The following EDEM3 variants were observed in gnomAD, a reference collection of about 807,000 sequenced individuals.
EDEM3 encodes the protein ER degradation-enhancing alpha-mannosidase-like protein 3.
EDEM3 carries 60 observed loss-of-function variants against 110.2 expected under a neutral mutation model. The observed-to-expected ratio is 0.54, with a 90% confidence interval of 0.44 to 0.67. The LOEUF is 0.67. Among genes scored for constraint, EDEM3 ranks in the 30% least tolerant of loss-of-function variants. The pLI is 0.00. For missense variants in EDEM3, 996 were observed against 1,121.0 expected, an observed-to-expected ratio of 0.89 and a Z score of 1.59; for synonymous variants, 352 against 382.9, an observed-to-expected ratio of 0.92 and a Z score of 0.94.
At position 184,734,592 on chromosome 1, in the gene EDEM3, C is replaced by G; in HGVS notation, c.397G>C (p.Asp133His). 1.9e-6 allele frequency: 3 copies of G among 1,554,482 alleles called. No individual in the cohort carries two copies. The highest frequency in any genetic ancestry group is 1.7e-6 in the Non-Finnish European group (2 of 1,148,208). The change falls in exon 5 of 20, where the codon GAT becomes CAT. Residue 133 changes from aspartate to histidine, a missense_variant. Transcript: ENST00000318130. The part of the protein sequence containing the change: ...FEDAVRKVLR[D>H]VNLDNDVVVS... ...ACTACATCGTTATCTAAATTAACATCTCTTAAAACTTTTCTCACTGCATCT... is the reference window on the plus strand; with the variant it reads ...ACTACATCGTTATCTAAATTAACATGTCTTAAAACTTTTCTCACTGCATCT...
intron 4 of EDEM3, 30 bp downstream of exon 4, chr1:184,736,995 T>C (rs774837125): frequency 3.2e-6 from 5 of 1,581,072 alleles, no homozygotes; most frequent in Admixed American, 3.3e-5. Flanking sequence ...ATATCATGAA[T>C]AAAATAAATC....
chr1:184,716,959 T>C lies in EDEM3; in HGVS notation c.1299A>G (p.Leu433=). Reference sequence around the variant, plus strand: ...CGCAAGGCACTCTAGCATATTTATTTAAATTTTCAATAAGTGTCTTCCCTA... The same window carrying C: ...CGCAAGGCACTCTAGCATATTTATTCAAATTTTCAATAAGTGTCTTCCCTA... ...LEVGKTLIEN[L]NKYARVPCGF... Residue 433 remains leucine, a synonymous_variant, in exon 13 of 20, where the codon TTA becomes TTG. Coordinates refer to ENST00000318130, the MANE Select transcript of EDEM3 (RefSeq NM_025191.4). 1.2e-6 allele frequency: 2 copies of C among 1,613,182 alleles called. No individual in the cohort carries two copies. Among genetic ancestry groups the C allele is most frequent in the East Asian group, 4.5e-5 (2 of 44,826 alleles).
intron 6 of EDEM3, among the ~76,000 whole-genome samples, chr1:184,730,179 A>T (rs1651428387): frequency 6.6e-6 from 1 of 152,224 alleles, no homozygotes; most frequent in South Asian, 2.1e-4. Flanking sequence ...ATTGGGCAAC[A>T]AGTACCTGAT....
At chr1:184,726,603 A>C (rs970716835) in intron 6 of EDEM3, among the ~76,000 whole-genome samples, 5 of 152,232 alleles carry the variant, frequency 3.3e-5, no homozygotes, top group Admixed American at 3.3e-4. Flanking sequence ...GTAAGCTTTT[A>C]TTTCATTCCA....
chr1:184,744,257 T>C (rs1159538446), intron 2 of EDEM3, among the ~76,000 whole-genome samples: 16 of 36,900 alleles, frequency 4.3e-4, no homozygotes, highest in South Asian at 2.5e-3. Context: ...CAAATATATA[T>C]ATATATATAT....
intron 7 of EDEM3, among the ~76,000 whole-genome samples, chr1:184,725,830 C>T (rs946844756): frequency 6.6e-6 from 1 of 151,914 alleles, no homozygotes; most frequent in Non-Finnish European, 1.5e-5. Flanking sequence ...AGATTACAGT[C>T]TCAATCAAGA....
intron 7 of EDEM3, among the ~76,000 whole-genome samples, chr1:184,725,269 G>A (rs1651126366): frequency 6.6e-6 from 1 of 152,036 alleles, no homozygotes; most frequent in Admixed American, 6.6e-5. Context: ...AGAAAGACAT[G>A]GATTCTAATT....
intron 19 of EDEM3, among the ~76,000 whole-genome samples, chr1:184,700,854 T>G (rs974573356): frequency 3.3e-5 from 5 of 152,010 alleles, no homozygotes; most frequent in South Asian, 4.1e-4. Context: ...TTAGACTGTA[T>G]CTTGTTGCTA....
chr1:184,693,866 TG>T lies in EDEM3; in HGVS notation c.*196del. The T allele has an allele frequency of 1.8e-6, 1 of 547,770 alleles. No homozygotes were observed. The highest frequency in any genetic ancestry group is 3.1e-6 in the Non-Finnish European group (1 of 320,060). 33.9% of individuals were successfully genotyped at this position (547,770 alleles called of 1,614,324 possible). Reference sequence around the variant, plus strand: ...GGGAACTGTGGATTTCCATTTTTGATGGGACAGTTTTAAACAAGGTCAATTC... The same window carrying T: ...GGGAACTGTGGATTTCCATTTTTGATGGACAGTTTTAAACAAGGTCAATTC... On this transcript the variant is annotated 3_prime_UTR_variant, in exon 20 of 20. Coordinates refer to ENST00000318130, the MANE Select transcript of EDEM3 (RefSeq NM_025191.4).
chr1:184,754,088 A>C (rs894060610), intron 1 of EDEM3, among the ~76,000 whole-genome samples: 3 of 152,216 alleles, frequency 2.0e-5, no homozygotes, highest in Non-Finnish European at 4.4e-5. Flanking sequence ...CTGTGAGATC[A>C]GCAACATTTT....
intron 18 of EDEM3, 103 bp from the exon 19 acceptor site, chr1:184,703,099 G>T: frequency 3.1e-6 from 3 of 973,162 alleles, no homozygotes; most frequent in Non-Finnish European, 4.3e-6. Context: ...TTAATTTTAT[G>T]CATCAAGAAC....
intron 19 of EDEM3, among the ~76,000 whole-genome samples, chr1:184,696,092 C>G (rs1323768874): frequency 6.6e-6 from 1 of 151,792 alleles, no homozygotes; most frequent in Non-Finnish European, 1.5e-5. Flanking sequence ...GCAATTGTCT[C>G]AAGAATCCCT....
At chr1:184,720,983 C>A (rs1346311107) in intron 9 of EDEM3, 1 of 219,848 alleles carries the variant, frequency 4.5e-6, no homozygotes, top group African/African-American at 2.3e-5. Flanking sequence ...TAACTAGTAA[C>A]ATATTTCAAT....
chr1:184,720,712 A>C (rs1233854804), intron 9 of EDEM3: 1 of 152,576 alleles, frequency 6.6e-6, no homozygotes, highest in Non-Finnish European at 1.5e-5. Flanking sequence ...TAGTTTAAAA[A>C]GAATATAGTG....
chr1:184,719,332 A>G lies in EDEM3; in HGVS notation c.1078-87T>C, dbSNP rs918662033. 40 of 1,520,468 alleles carry G rather than the reference A, an allele frequency of 2.6e-5. No homozygotes were observed. In the African/African-American group the frequency reaches 5.4e-4, roughly 21 times the overall value. 94.2% of individuals were successfully genotyped at this position (1,520,468 alleles called of 1,614,324 possible). ...TACATAAACAGAAAAATGTATACAA[A>G]TACAATTCTGAACTGCAACTATGTT... is the stretch of plus-strand genomic sequence containing the variant. On this transcript the variant is annotated intron_variant, in intron 10 of 19. Transcript: ENST00000318130.
At chr1:184,748,138 T>C (rs1652537009) in intron 2 of EDEM3, among the ~76,000 whole-genome samples, 7 of 151,398 alleles carry the variant, frequency 4.6e-5, no homozygotes, top group Admixed American at 4.6e-4. Context: ...GACATGTGGG[T>C]GACAAAAAAA....
intron 1 of EDEM3, 85 bp from the exon 2 acceptor site, chr1:184,749,677 C>A: frequency 8.8e-7 from 1 of 1,142,384 alleles, no homozygotes; most frequent in South Asian, 1.7e-5. Flanking sequence ...GTTAATTCTT[C>A]CTCATAAAAA....
chr1:184,737,715 C>A lies in EDEM3; in HGVS notation c.205-4G>T, dbSNP rs1558067296. On this transcript the variant is annotated splice_region_variant and splice_polypyrimidine_tract_variant and intron_variant, in intron 2 of 19. Transcript: ENST00000318130. ...CATCAGCAGGGTAAGCATGTTCCTG[C>A]AAGGAAAACTTTAGTAAGTTACTAA... is the stretch of plus-strand genomic sequence containing the variant. The A allele has an allele frequency of 6.2e-7, 1 of 1,612,082 alleles. No individual in the cohort carries two copies. Among genetic ancestry groups the A allele is most frequent in the African/African-American group, 1.3e-5 (1 of 74,820 alleles).
intron 1 of EDEM3, among the ~76,000 whole-genome samples, chr1:184,752,076 G>C (rs879467608): frequency 6.6e-6 from 1 of 152,184 alleles, no homozygotes; most frequent in African/African-American, 2.4e-5. Context: ...CTAAAGTTAC[G>C]TCTCCTGCCC....
Sources: gnomAD v4.1 joint callset for allele counts (sites outside exome capture counted in the v4.1 genomes callset) on GRCh38, gnomAD v4.1.1 for gene constraint, MANE v1.5 for transcripts, NCBI Gene and HGNC (gene_info 2026-07-23, HGNC 2026-07-21) for gene names.